The following SIT1 variants were observed in gnomAD, a reference collection of about 807,000 sequenced individuals.
The protein encoded by SIT1 is signaling threshold regulating transmembrane adaptor 1, also known as signaling threshold-regulating transmembrane adapter 1.
Under a neutral mutation model 23.5 loss-of-function variants are expected in SIT1, and 19 were observed. That is an observed-to-expected ratio of 0.81 (90% CI 0.56 to 1.19). The LOEUF (loss-of-function observed/expected upper bound fraction) is 1.19, where lower values mean the gene tolerates loss of function less well. Among genes scored for constraint, SIT1 ranks in the 50% most tolerant of loss-of-function variants. The pLI is 0.00. For synonymous variants in SIT1, 114 were observed against 109.1 expected (o/e 1.04, Z -0.28); for missense variants, 213 against 254.9 (o/e 0.84, Z 1.12).
At position 35,649,764 on chromosome 9, in the gene SIT1, C is replaced by G. The variant is rs1170937904; in HGVS notation, c.*84G>C. 1.9e-6 allele frequency: 2 copies of G among 1,068,200 alleles called. No homozygotes were observed. Among genetic ancestry groups the G allele is most frequent in the Non-Finnish European group, 2.6e-6 (2 of 765,366 alleles). The allele number at this position is 1,068,200 out of a possible 1,614,324, so 66.2% of individuals were successfully genotyped here. ...CCTGTGACTTGGCAATGGCGCCCGT[C>G]TTTGGGTGCTGGTTGGGAAACAGTC... On this transcript the variant is annotated 3_prime_UTR_variant, in exon 5 of 5. Transcript: ENST00000259608.
Position 35,650,533 on chromosome 9 carries a change from C to T in SIT1, c.205G>A (p.Gly69Ser). Reference protein sequence around the residue: ...LAAHLSQWTRGRSRSHPGQGR... With the variant: ...LAAHLSQWTRSRSRSHPGQGR... ...TGCCCCGGATGGCTCCTGCTCCGGC[C>T]CCTGGTCCACTGGGACAAGTGTGCA... is the stretch of plus-strand genomic sequence containing the variant. Residue 69 changes from glycine (G) to serine (S), a missense_variant, in exon 2 of 5, where the codon GGC (glycine) becomes AGC (serine). Transcript: ENST00000259608. The surrounding 1 kb of genome is among the most constrained non-coding windows in gnomAD (Gnocchi z 4.8). 2 of 1,613,984 alleles carry T rather than the reference C, an allele frequency of 1.2e-6. No homozygotes were observed. The highest frequency in any genetic ancestry group is 1.1e-5 in the South Asian group (1 of 91,080).
chr9:35,649,802 C>CG lies in SIT1; in HGVS notation c.*45dup, dbSNP rs1823442902. The CG allele has an allele frequency of 4.4e-6, 6 of 1,363,438 alleles. No individual in the cohort carries two copies. The highest frequency in any genetic ancestry group is 5.9e-6 in the Non-Finnish European group (6 of 1,020,580). 84.5% of individuals were successfully genotyped at this position (1,363,438 alleles called of 1,614,324 possible). A position where few individuals can be genotyped will look rare whatever the true frequency, so the allele number is the denominator to read the frequency against. ...TTGGGAAACAGTCATGCCCCTGCTA[C>CG]GGGGGGCTGGGGCAGTGCACGCCCC... is the stretch of plus-strand genomic sequence containing the variant. On this transcript the variant is annotated 3_prime_UTR_variant, in exon 5 of 5. Transcript: ENST00000259608.
rs572110387 is a variant in SIT1, at chr9:35,649,887, C to G, written c.552G>C (p.Pro184=). The G allele has an allele frequency of 1.3e-6, 2 of 1,580,516 alleles. No homozygotes were observed. The highest frequency in any genetic ancestry group is 1.7e-6 in the Non-Finnish European group (2 of 1,163,568). ...GCTGGCTGTTGGCATAGGCCTGATC[C>G]GGGAAGGAGGCCCGGGCCCTGCGGG... The part of the protein sequence containing the change: ...AQTRRARASF[P]DQAYANSQPA... The change falls in exon 5 of 5, where the codon CCG becomes CCC. Residue 184 remains proline, a synonymous_variant. Coordinates refer to ENST00000259608, the MANE Select transcript of SIT1 (RefSeq NM_014450.3).
Position 35,650,455 on chromosome 9 carries a change from G to C in SIT1, c.237-40C>G. ...TTAGGGGATGAGTGGGGACTTCTCG[G>C]TAAGAGAGAACTCTCAGTCAACCCA... On this transcript the variant is annotated intron_variant, in intron 2 of 4. Coordinates refer to ENST00000259608, the MANE Select transcript of SIT1 (RefSeq NM_014450.3). The surrounding 1 kb of genome is among the most constrained non-coding windows in gnomAD (Gnocchi z 4.8). 6.2e-7 allele frequency: 1 copy of C among 1,614,002 alleles called. No individual in the cohort carries two copies. Among genetic ancestry groups the C allele is most frequent in the Non-Finnish European group, 8.5e-7 (1 of 1,179,938 alleles).
Position 35,650,042 on chromosome 9 carries a change from G to A in SIT1, c.397C>T (p.Arg133Trp), listed in dbSNP as rs776931317. The A allele has an allele frequency of 1.6e-5, 25 of 1,591,006 alleles. No individual in the cohort carries two copies. The highest frequency in any genetic ancestry group is 9.2e-5 in the East Asian group (4 of 43,620). ...CCGGGGATCCGACCCTGAGGAGGCCGCAGCTGCAGGCTGGTATAGCACATC... is the reference window on the plus strand; with the variant it reads ...CCGGGGATCCGACCCTGAGGAGGCCACAGCTGCAGGCTGGTATAGCACATC... ...EVMCYTSLQL[R>W]PPQGRIPGPG... The change falls in exon 5 of 5, where the codon CGG (arginine) becomes TGG (tryptophan). Residue 133 changes from arginine (R) to tryptophan (W), a missense_variant. By Grantham distance (101) the Arg-to-Trp change is moderately radical. Transcript: ENST00000259608. The surrounding 1 kb of genome is among the most constrained non-coding windows in gnomAD (Gnocchi z 4.8).
At position 35,650,172 on chromosome 9, in the gene SIT1, C is replaced by CA; in HGVS notation, c.357+11dup. 6.2e-7 allele frequency: 1 copy of CA among 1,614,040 alleles called. No homozygotes were observed. The highest frequency in any genetic ancestry group is 8.5e-7 in the Non-Finnish European group (1 of 1,179,932). On this transcript the variant is annotated intron_variant, in intron 4 of 4. Coordinates refer to ENST00000259608, the MANE Select transcript of SIT1 (RefSeq NM_014450.3). This position sits in a 1 kb window ranked among gnomAD's most constrained non-coding sequence, Gnocchi z 4.8. ...CTTCCCTCCCCCTTTTCTCCAGCCA[C>CA]AGTTGACTCACCCTGGCAGGGCCTC...
Position 35,650,386 on chromosome 9 carries a change from A to G in SIT1, c.266T>C (p.Leu89Pro), listed in dbSNP as rs750475049. The G allele has an allele frequency of 6.2e-7, 1 of 1,614,090 alleles. No homozygotes were observed. The highest frequency in any genetic ancestry group is 1.1e-5 in the South Asian group (1 of 91,082). Reference protein sequence around the residue: ...RSGESVEEVPLYGNLHYLQTG... With the variant: ...RSGESVEEVPPYGNLHYLQTG... ...CTGTAGATAATGCAGGTTCCCATAC[A>G]GCGGGACCTCTTCCACAGACTCTCC... The change falls in exon 3 of 5, where the codon CTG becomes CCG. Residue 89 changes from leucine to proline, a missense_variant. Leu to Pro is a moderately conservative substitution (Grantham distance 98). Transcript: ENST00000259608. The surrounding 1 kb of genome is among the most constrained non-coding windows in gnomAD (Gnocchi z 4.8).
rs1275936820 is a variant in SIT1, at chr9:35,650,045, G to T, written c.394C>A (p.Leu132Met). Reference sequence around the variant, plus strand: ...GGGATCCGACCCTGAGGAGGCCGCAGCTGCAGGCTGGTATAGCACATCACC... The same window carrying T: ...GGGATCCGACCCTGAGGAGGCCGCATCTGCAGGCTGGTATAGCACATCACC... ...EEVMCYTSLQ[L>M]RPPQGRIPGP... The change falls in exon 5 of 5, where the codon CTG (leucine) becomes ATG (methionine). Residue 132 changes from leucine to methionine, a missense_variant. Transcript: ENST00000259608. This position sits in a 1 kb window ranked among gnomAD's most constrained non-coding sequence, Gnocchi z 4.8. 1.9e-6 allele frequency: 3 copies of T among 1,594,222 alleles called. No individual in the cohort carries two copies. In the Admixed American group the frequency reaches 5.3e-5, roughly 28 times the overall value.
chr9:35,649,926 T>C lies in SIT1; in HGVS notation c.513A>G (p.Ser171=). 1 of 1,587,068 alleles carries C rather than the reference T, an allele frequency of 6.3e-7. No individual in the cohort carries two copies. The highest frequency in any genetic ancestry group is 8.6e-7 in the Non-Finnish European group (1 of 1,167,240). ...GGGCCCTGCGGGTCTGGGCACATAC[T>C]GAGGCATAGAGCTCCGGCTCGGGGC... ...ASGPEPELYA[S]VCAQTRRARA... Residue 171 remains serine, a synonymous_variant, in exon 5 of 5, where the codon TCA becomes TCG. Coordinates refer to ENST00000259608, the MANE Select transcript of SIT1 (RefSeq NM_014450.3).
In SIT1 at chr9:35,650,697, G is replaced by T; in HGVS notation, c.100+57C>A. ...CCGCCCCACCCCCAGGGCCCAGCAG[G>T]TGGGACCTGGGGCCACATGACCCCT... On this transcript the variant is annotated intron_variant, in intron 1 of 4. Coordinates refer to ENST00000259608, the MANE Select transcript of SIT1 (RefSeq NM_014450.3). The surrounding 1 kb of genome is among the most constrained non-coding windows in gnomAD (Gnocchi z 4.8). 1 of 1,610,364 alleles carries T rather than the reference G, an allele frequency of 6.2e-7. No homozygotes were observed. Among genetic ancestry groups the T allele is most frequent in the Non-Finnish European group, 8.5e-7 (1 of 1,177,400 alleles).
chr9:35,649,648 G>A lies in SIT1; in HGVS notation c.*200C>T. The A allele has an allele frequency of 2.1e-6, 1 of 465,850 alleles. No individual in the cohort carries two copies. Among genetic ancestry groups the A allele is most frequent in the Non-Finnish European group, 3.8e-6 (1 of 264,216 alleles). The allele number at this position is 465,850 out of a possible 1,614,324, so 28.9% of individuals were successfully genotyped here. A position where few individuals can be genotyped will look rare whatever the true frequency, so the allele number is the denominator to read the frequency against. On this transcript the variant is annotated 3_prime_UTR_variant, in exon 5 of 5. Transcript: ENST00000259608. ...ACAGATAGAAAAAAGAAATAAGGAG[G>A]GGGCTACTGTCTTTGCCTCCTCCAT... is the stretch of plus-strand genomic sequence containing the variant.
Position 35,650,571 on chromosome 9 carries a change from A to G in SIT1, c.167T>C (p.Leu56Pro). 6.2e-7 allele frequency: 1 copy of G among 1,613,862 alleles called. No homozygotes were observed. Among genetic ancestry groups the G allele is most frequent in the South Asian group, 1.1e-5 (1 of 91,074 alleles). ...GGACAAGTGTGCAGCCAGCGAGATGAGAAATAGCAGCGTCACAGCCCCTAA... is the reference window on the plus strand; with the variant it reads ...GGACAAGTGTGCAGCCAGCGAGATGGGAAATAGCAGCGTCACAGCCCCTAA... ...VLLGAVTLLF[L>P]ISLAAHLSQW... is the part of the protein sequence containing the mutation. The change falls in exon 2 of 5, where the codon CTC becomes CCC. Residue 56 changes from leucine to proline, a missense_variant. Leu to Pro is a moderately conservative substitution (Grantham distance 98). Transcript: ENST00000259608. The surrounding 1 kb of genome is among the most constrained non-coding windows in gnomAD (Gnocchi z 4.8).
Position 35,649,745 on chromosome 9 carries a change from A to T in SIT1, c.*103T>A. On this transcript the variant is annotated 3_prime_UTR_variant, in exon 5 of 5. Transcript: ENST00000259608. ...AGTCCGGGGTAGATCACATCCTGTG[A>T]CTTGGCAATGGCGCCCGTCTTTGGG... 1 of 837,364 alleles carries T rather than the reference A, an allele frequency of 1.2e-6. No individual in the cohort carries two copies. Among genetic ancestry groups the T allele is most frequent in the South Asian group, 1.9e-5 (1 of 51,958 alleles). The allele number at this position is 837,364 out of a possible 1,614,324, so 51.9% of individuals were successfully genotyped here.
chr9:35,649,779 G>C lies in SIT1; in HGVS notation c.*69C>G. The C allele has an allele frequency of 8.4e-7, 1 of 1,194,412 alleles. No individual in the cohort carries two copies. The highest frequency in any genetic ancestry group is 1.1e-6 in the Non-Finnish European group (1 of 876,812). 74.0% of individuals were successfully genotyped at this position (1,194,412 alleles called of 1,614,324 possible). On this transcript the variant is annotated 3_prime_UTR_variant, in exon 5 of 5. Transcript: ENST00000259608. ...TGGCGCCCGTCTTTGGGTGCTGGTT[G>C]GGAAACAGTCATGCCCCTGCTACGG...
At position 35,650,887 on chromosome 9, in the gene SIT1, A is replaced by G. The variant is rs1823465436; in HGVS notation, c.-34T>C. 2.7e-6 allele frequency: 4 copies of G among 1,501,860 alleles called. No individual in the cohort carries two copies. The highest frequency in any genetic ancestry group is 3.7e-6 in the Non-Finnish European group (4 of 1,094,738). The allele number at this position is 1,501,860 out of a possible 1,614,324, so 93.0% of individuals were successfully genotyped here. ...GGTTTCCACAGCACTTCTTACTCCC[A>G]TCCCTCCTCAGGCCCGTACCCCGCA... On this transcript the variant is annotated 5_prime_UTR_variant, in exon 1 of 5. It removes an upstream start codon present in the reference 5' UTR. Coordinates refer to ENST00000259608, the MANE Select transcript of SIT1 (RefSeq NM_014450.3). The surrounding 1 kb of genome is among the most constrained non-coding windows in gnomAD (Gnocchi z 4.8).
Position 35,650,582 on chromosome 9 carries a change from C to T in SIT1, c.156G>A (p.Thr52=). 3 of 1,613,844 alleles carry T rather than the reference C, an allele frequency of 1.9e-6. No individual in the cohort carries two copies. The highest frequency in any genetic ancestry group is 2.5e-6 in the Non-Finnish European group (3 of 1,180,014). Residue 52 remains threonine (T), a synonymous_variant, in exon 2 of 5, where the codon ACG becomes ACA. Coordinates refer to ENST00000259608, the MANE Select transcript of SIT1 (RefSeq NM_014450.3). The surrounding 1 kb of genome is among the most constrained non-coding windows in gnomAD (Gnocchi z 4.8). The part of the protein sequence containing the change: ...WGLWVLLGAV[T]LLFLISLAAH... ...CAGCCAGCGAGATGAGAAATAGCAGCGTCACAGCCCCTAAGAGGACCCACA... is the reference window on the plus strand; with the variant it reads ...CAGCCAGCGAGATGAGAAATAGCAGTGTCACAGCCCCTAAGAGGACCCACA...
chr9:35,650,163 C>T lies in SIT1; in HGVS notation c.357+21G>A. ...CCCCACTTCCTTCCCTCCCCCTTTT[C>T]TCCAGCCACAGTTGACTCACCCTGG... is the stretch of plus-strand genomic sequence containing the variant. On this transcript the variant is annotated intron_variant, in intron 4 of 4. Coordinates refer to ENST00000259608, the MANE Select transcript of SIT1 (RefSeq NM_014450.3). The surrounding 1 kb of genome is among the most constrained non-coding windows in gnomAD (Gnocchi z 4.8). The T allele has an allele frequency of 6.2e-7, 1 of 1,613,976 alleles. No homozygotes were observed. Among genetic ancestry groups the T allele is most frequent in the Admixed American group, 1.7e-5 (1 of 60,022 alleles).
rs780982278 is a variant in SIT1, at chr9:35,650,661, G to T, written c.101-24C>A. On this transcript the variant is annotated intron_variant, in intron 1 of 4. Transcript: ENST00000259608. This position sits in a 1 kb window ranked among gnomAD's most constrained non-coding sequence, Gnocchi z 4.8. ...TCCTGTGGATGTGAAAGGAAGGGGG[G>T]TGTAACAGCCCCGCCCCACCCCCAG... 1.2e-6 allele frequency: 2 copies of T among 1,612,918 alleles called. No individual in the cohort carries two copies. Among genetic ancestry groups the T allele is most frequent in the Admixed American group, 1.7e-5 (1 of 60,006 alleles).
chr9:35,650,621 G>A lies in SIT1; in HGVS notation c.117C>T (p.Thr39=), dbSNP rs761005300. 6.2e-7 allele frequency: 1 copy of A among 1,613,704 alleles called. No homozygotes were observed. Among genetic ancestry groups the A allele is most frequent in the Non-Finnish European group, 8.5e-7 (1 of 1,179,994 alleles). ...AGAGGACCCACAGTCCCCAGGCCTGGGTTATGGAGGGGATTCCTGTGGATG... is the reference window on the plus strand; with the variant it reads ...AGAGGACCCACAGTCCCCAGGCCTGAGTTATGGAGGGGATTCCTGTGGATG... The part of the protein sequence containing the change: ...DLLALGIPSI[T]QAWGLWVLLG... The change falls in exon 2 of 5, where the codon ACC becomes ACT. Residue 39 remains threonine (T), a synonymous_variant. Coordinates refer to ENST00000259608, the MANE Select transcript of SIT1 (RefSeq NM_014450.3). The surrounding 1 kb of genome is among the most constrained non-coding windows in gnomAD (Gnocchi z 4.8).
Sources: allele counts gnomAD v4.1 joint callset, GRCh38; gene constraint gnomAD v4.1.1; non-coding constraint Gnocchi (gnomAD v3.1); transcripts MANE v1.5; gene names NCBI Gene and HGNC (gene_info 2026-07-23, HGNC 2026-07-21).